The following SLC66A2 variants were observed in gnomAD, a reference collection of about 807,000 sequenced individuals.
SLC66A2 encodes the protein PQ loop repeat containing 1.
Under a neutral mutation model 25.5 loss-of-function variants are expected in SLC66A2, and 23 were observed. The ratio of observed to expected loss-of-function variants is 0.90; its 90% CI spans 0.65 to 1.28. SLC66A2 has a LOEUF of 1.28. Ranked by LOEUF, SLC66A2 falls within the 50% of genes most tolerant of loss-of-function variation. The probability of loss-of-function intolerance (pLI) is 0.00; values close to 1 mark genes in which losing one functional copy is unlikely to be tolerated. For missense variants in SLC66A2, 396 were observed against 373.1 expected, an observed-to-expected ratio of 1.06 and a Z score of -0.51; for synonymous variants, 193 against 166.5, an observed-to-expected ratio of 1.16 and a Z score of -1.23.
At chr18:79,942,835 T>G (rs923878402) in intron 3 of SLC66A2, among the ~76,000 whole-genome samples, 5 of 152,220 alleles carry the variant, frequency 3.3e-5, no homozygotes, top group Non-Finnish European at 5.9e-5. Context: ...TGCAGTGTGC[T>G]CCGCATAAAG....
intron 4 of SLC66A2, among the ~76,000 whole-genome samples, chr18:79,930,550 A>G (rs978073296): frequency 2.6e-5 from 4 of 152,240 alleles, no homozygotes; most frequent in South Asian, 2.1e-4. Context: ...ATAAAAGATG[A>G]TATCGGTCAC....
At chr18:79,936,512 T>C (rs1396906891) in intron 3 of SLC66A2, among the ~76,000 whole-genome samples, 1 of 152,142 alleles carries the variant, frequency 6.6e-6, no homozygotes, top group Non-Finnish European at 1.5e-5. Flanking sequence ...AAAGAAACCC[T>C]TGACTAACCA....
chr18:79,930,644 A>G (rs1240284177), intron 4 of SLC66A2, among the ~76,000 whole-genome samples: 2 of 152,196 alleles, frequency 1.3e-5, no homozygotes, highest in African/African-American at 4.8e-5. Flanking sequence ...GGCCTTTAAC[A>G]TAAAGAAATG....
intron 5 of SLC66A2, among the ~76,000 whole-genome samples, chr18:79,912,461 G>GC (rs1248317175): frequency 6.6e-6 from 1 of 152,172 alleles, no homozygotes; most frequent in African/African-American, 2.4e-5. Flanking sequence ...CTGAGAATAC[G>GC]AAGTGCAGGG....
rs150336385 is a variant in SLC66A2 at position 79,940,817 on chromosome 18, C to A, written c.337+2512G>T. ...TATTAAGAGTGCTGCAGAGGTAAAT[C>A]TTGAGAATTCTTTAACACACACAGC... On this transcript the variant is annotated intron_variant, in intron 3 of 5. Transcript: ENST00000397778. The surrounding 1 kb of genome is among the most constrained non-coding windows in gnomAD (Gnocchi z 4.1). Among the ~76,000 whole-genome samples, 402 of 152,262 alleles carry A rather than the reference C, an allele frequency of 2.6e-3. 2 individuals are homozygous for A. The highest frequency in any genetic ancestry group is 9.1e-3 in the African/African-American group (379 of 41,536).
chr18:79,917,826 C>T lies in SLC66A2; in HGVS notation c.608+1358G>A, dbSNP rs1310080654. The stretch of plus-strand genomic sequence containing the variant: ...CCAACCAGGGCAGCCCAATCCCCAC[C>T]TGCACCCCACACCACACCCCAACCT... On this transcript the variant is annotated intron_variant, in intron 5 of 5. Transcript: ENST00000397778. This position sits in a 1 kb window ranked among gnomAD's most constrained non-coding sequence, Gnocchi z 6.0. Among the ~76,000 whole-genome samples, 1 of 151,908 alleles carries T rather than the reference C, an allele frequency of 6.6e-6. No individual in the cohort carries two copies. Among genetic ancestry groups the T allele is most frequent in the Non-Finnish European group, 1.5e-5 (1 of 67,958 alleles).
Position 79,919,419 on chromosome 18 carries a change from G to A in SLC66A2, c.392-19C>T. 6.2e-7 allele frequency: 1 copy of A among 1,602,018 alleles called. No individual in the cohort carries two copies. The highest frequency in any genetic ancestry group is 8.5e-7 in the Non-Finnish European group (1 of 1,171,894). On this transcript the variant is annotated intron_variant, in intron 4 of 5. Transcript: ENST00000397778. ...TCGAAGTCTAGGGCGAGAGGGAGAA[G>A]CAGCCTCAGCACAGCTTAGGGTCCA...
chr18:79,946,512 C>G (rs2050931265), intron 2 of SLC66A2, among the ~76,000 whole-genome samples: 1 of 152,248 alleles, frequency 6.6e-6, no homozygotes, highest in Non-Finnish European at 1.5e-5. Flanking sequence ...CTGTGTGGTG[C>G]AGGAGCCTGC....
At chr18:79,945,570 G>A (rs886154789) in intron 2 of SLC66A2, among the ~76,000 whole-genome samples, 6 of 152,214 alleles carry the variant, frequency 3.9e-5, no homozygotes, top group African/African-American at 1.2e-4. Flanking sequence ...AGACTAAGAG[G>A]CAAACAGAAG....
Position 79,902,511 on chromosome 18 carries a change from A to C in SLC66A2, c.*1465T>G, listed in dbSNP as rs1981348512. ...CTGCAGTCGGCGACAGTTTAATGTGAGGCAATTACCGCTACAGACATCTTG... is the reference window on the plus strand; with the variant it reads ...CTGCAGTCGGCGACAGTTTAATGTGCGGCAATTACCGCTACAGACATCTTG... On this transcript the variant is annotated 3_prime_UTR_variant, in exon 6 of 6. Coordinates refer to ENST00000397778, the MANE Select transcript of SLC66A2 (RefSeq NM_025078.5). The C allele has an allele frequency of 6.6e-6, 1 of 152,286 alleles. No individual in the cohort carries two copies. Among genetic ancestry groups the C allele is most frequent in the African/African-American group, 2.4e-5 (1 of 41,474 alleles). The allele number at this position is 152,286 out of a possible 1,614,324, so 9.4% of individuals were successfully genotyped here. A position where few individuals can be genotyped will look rare whatever the true frequency, so the allele number is the denominator to read the frequency against.
chr18:79,926,745 G>C (rs148683367), intron 4 of SLC66A2, among the ~76,000 whole-genome samples: 1 of 151,734 alleles, frequency 6.6e-6, no homozygotes, highest in Non-Finnish European at 1.5e-5. Flanking sequence ...ATAGTTTTCA[G>C]AAGACTGTAA....
intron 5 of SLC66A2, among the ~76,000 whole-genome samples, chr18:79,905,538 G>A (rs148008671): frequency 0.02 from 3,025 of 152,370 alleles, 50 homozygotes; most frequent in Middle Eastern, 0.034. Flanking sequence ...CCACAGCCCC[G>A]GTGCAAAGGC....
intron 3 of SLC66A2, among the ~76,000 whole-genome samples, chr18:79,938,666 T>C (rs1001740637): frequency 2.0e-5 from 3 of 152,102 alleles, no homozygotes; most frequent in Non-Finnish European, 1.5e-5. Flanking sequence ...GTGGAGGCTG[T>C]TTTTTTGTTT....
At position 79,941,105 on chromosome 18, in the gene SLC66A2, A is replaced by AT. The variant is rs1032490046; in HGVS notation, c.337+2223dup. 1.8e-4 allele frequency among the ~76,000 whole-genome samples: 27 copies of AT among 152,164 alleles called. No homozygotes were observed. The highest frequency in any genetic ancestry group is 6.0e-4 in the African/African-American group (25 of 41,434). ...AACGTGGCAGCCACAATGCAGGCTG[A>AT]TTATCTTAATTCTGGAGGCCAGAGG... is the stretch of plus-strand genomic sequence containing the variant. On this transcript the variant is annotated intron_variant, in intron 3 of 5. Coordinates refer to ENST00000397778, the MANE Select transcript of SLC66A2 (RefSeq NM_025078.5). This position sits in a 1 kb window ranked among gnomAD's most constrained non-coding sequence, Gnocchi z 4.1.
At chr18:79,911,250 C>G (rs1384742772) in intron 5 of SLC66A2, among the ~76,000 whole-genome samples, 1 of 152,258 alleles carries the variant, frequency 6.6e-6, no homozygotes, top group East Asian at 1.9e-4. Context: ...CAGTGGGGGC[C>G]TGGACATCTT....
At chr18:79,911,114 G>C (rs4799107) in intron 5 of SLC66A2, among the ~76,000 whole-genome samples, 152,378 of 152,382 alleles carry the variant, frequency 1, 76,187 homozygotes, top group Non-Finnish European at 1. Flanking sequence ...CTGGAACAGC[G>C]TGGGCTGCTT....
chr18:79,939,907 C>G (rs183813817), intron 3 of SLC66A2, among the ~76,000 whole-genome samples: 1 of 152,322 alleles, frequency 6.6e-6, no homozygotes, highest in Admixed American at 6.5e-5. Context: ...ACTATAGACA[C>G]ATGCACACAT....
intron 3 of SLC66A2, among the ~76,000 whole-genome samples, chr18:79,942,921 CT>C (rs1454822210): frequency 1.3e-5 from 2 of 152,144 alleles, no homozygotes; most frequent in Non-Finnish European, 2.9e-5. Flanking sequence ...TAAGGTACCC[CT>C]GAGTCACAGC....
rs970531963 is a variant in SLC66A2, at chr18:79,904,673, C to A, written c.609-490G>T. ...AGGCACACAGCCAAGTGGAGCAGAG[C>A]AGCTGCTTTTGGGTCTCTGCCGGCC... On this transcript the variant is annotated intron_variant, in intron 5 of 5. Transcript: ENST00000397778. The surrounding 1 kb of genome is among the most constrained non-coding windows in gnomAD (Gnocchi z 6.3). 6.6e-6 allele frequency among the ~76,000 whole-genome samples: 1 copy of A among 152,150 alleles called. No homozygotes were observed.
Sources: allele counts gnomAD v4.1 joint callset (sites outside exome capture counted in the v4.1 genomes callset), GRCh38; gene constraint gnomAD v4.1.1; non-coding constraint Gnocchi (gnomAD v3.1); transcripts MANE v1.5; gene names NCBI Gene and HGNC (gene_info 2026-07-23, HGNC 2026-07-21).